The following SPATA31D3 variants were observed in gnomAD, a reference collection of about 807,000 sequenced individuals.
The protein encoded by SPATA31D3 is spermatogenesis-associated protein 31D3.
For missense variants in SPATA31D3, 91 were observed against 297.9 expected (o/e 0.31, Z 5.11); for synonymous variants, 27 against 107.8 (o/e 0.25, Z 4.65).
At position 81,948,795 on chromosome 9, in the gene SPATA31D3, C is replaced by A; in HGVS notation, c.*788C>A. 5.1e-6 allele frequency: 1 copy of A among 194,434 alleles called. No individual in the cohort carries two copies. Among genetic ancestry groups the A allele is most frequent in the Non-Finnish European group, 8.6e-6 (1 of 116,380 alleles). The allele number at this position is 194,434 out of a possible 1,614,324, so 12.0% of individuals were successfully genotyped here. A position where few individuals can be genotyped will look rare whatever the true frequency, so the allele number is the denominator to read the frequency against. ...CACAAACTAGGAACAACTTGACAAC[C>A]AGCAAGTCAGGAAGCTGCTTAGTGA... is the stretch of plus-strand genomic sequence containing the variant. On this transcript the variant is annotated 3_prime_UTR_variant, in exon 4 of 4. Coordinates refer to ENST00000445385, the MANE Select transcript of SPATA31D3 (RefSeq NM_207416.3).
Position 81,949,842 on chromosome 9 carries a change from C to A in SPATA31D3, c.*1835C>A. Reference sequence around the variant, plus strand: ...GACATTTAAGGGGAAGATATTGTGTCAAAGGCATCCCCAATCCATGCCCCA... The same window carrying A: ...GACATTTAAGGGGAAGATATTGTGTAAAAGGCATCCCCAATCCATGCCCCA... On this transcript the variant is annotated 3_prime_UTR_variant, in exon 4 of 4. Transcript: ENST00000445385. 1.0e-6 allele frequency: 1 copy of A among 995,844 alleles called. No individual in the cohort carries two copies. Among genetic ancestry groups the A allele is most frequent in the South Asian group, 1.5e-5 (1 of 68,812 alleles). 61.7% of individuals were successfully genotyped at this position (995,844 alleles called of 1,614,324 possible).
chr9:81,947,541 T>G lies in SPATA31D3; in HGVS notation c.2288T>G (p.Met763Arg), dbSNP rs2133368264. 4 of 1,518,162 alleles carry G rather than the reference T, an allele frequency of 2.6e-6. No homozygotes were observed. The highest frequency in any genetic ancestry group is 1.7e-4 in the Middle Eastern group (1 of 5,856). 94.0% of individuals were successfully genotyped at this position (1,518,162 alleles called of 1,614,324 possible). The change falls in exon 4 of 4, where the codon ATG becomes AGG. Residue 763 changes from methionine (M) to arginine (R), a missense_variant. Coordinates refer to ENST00000445385, the MANE Select transcript of SPATA31D3 (RefSeq NM_207416.3). ...GAGAGGAGCTCAAATATGCTTTCCA[T>G]GGAGAATGTGGGGAATTATCAGGGA... ...FHERSSNMLS[M>R]ENVGNYQGCS...
At position 81,945,751 on chromosome 9, in the gene SPATA31D3, G is replaced by A; in HGVS notation, c.498G>A (p.Ser166=). 2.1e-4 allele frequency: 12 copies of A among 56,504 alleles called. No homozygotes were observed. The highest frequency in any genetic ancestry group is 1.1e-3 in the East Asian group (7 of 6,608). The allele number at this position is 56,504 out of a possible 1,614,324, so 3.5% of individuals were successfully genotyped here. A position where few individuals can be genotyped will look rare whatever the true frequency, so the allele number is the denominator to read the frequency against. The change falls in exon 4 of 4, where the codon TCG becomes TCA. Residue 166 remains serine (S), a synonymous_variant. Transcript: ENST00000445385. ...CTTCAGCTTCTGGGGCTGAGTCATC[G>A]TTCACTCTGGCTTCCACCCCCTCAG... ...LASSASGAES[S]FTLASTPSAT... is the part of the protein sequence containing the mutation.
Position 81,949,710 on chromosome 9 carries a change from A to T in SPATA31D3, c.*1703A>T. 7.1e-7 allele frequency: 1 copy of T among 1,406,690 alleles called. No individual in the cohort carries two copies. The highest frequency in any genetic ancestry group is 1.0e-6 in the Non-Finnish European group (1 of 996,574). The allele number at this position is 1,406,690 out of a possible 1,614,324, so 87.1% of individuals were successfully genotyped here. On this transcript the variant is annotated 3_prime_UTR_variant, in exon 4 of 4. Transcript: ENST00000445385. Reference sequence around the variant, plus strand: ...GCAACTACATGGCTCCCTCCTGCAAAGTGACATGTACCAAATCTTGCAGCC... The same window carrying T: ...GCAACTACATGGCTCCCTCCTGCAATGTGACATGTACCAAATCTTGCAGCC...
Position 81,949,615 on chromosome 9 carries a change from G to C in SPATA31D3, c.*1608G>C, listed in dbSNP as rs1030906065. On this transcript the variant is annotated 3_prime_UTR_variant, in exon 4 of 4. Transcript: ENST00000445385. ...TCCCCAGGAGCCCCTTTCCTCCCCA[G>C]TGCAGCTTGGGAAATCTCAGAATGT... 1.3e-6 allele frequency: 1 copy of C among 743,418 alleles called. No homozygotes were observed. The highest frequency in any genetic ancestry group is 1.7e-5 in the African/African-American group (1 of 57,926). The allele number at this position is 743,418 out of a possible 1,614,324, so 46.1% of individuals were successfully genotyped here.
At position 81,949,164 on chromosome 9, in the gene SPATA31D3, T is replaced by A; in HGVS notation, c.*1157T>A. ...TCTTACAGAAATGCCAAGTTAAGAA[T>A]TTTTCACCAGCTACAAAGAGAGTGA... On this transcript the variant is annotated 3_prime_UTR_variant, in exon 4 of 4. Transcript: ENST00000445385. 1.9e-6 allele frequency: 1 copy of A among 534,054 alleles called. No homozygotes were observed. Among genetic ancestry groups the A allele is most frequent in the East Asian group, 3.2e-5 (1 of 31,680 alleles). 33.1% of individuals were successfully genotyped at this position (534,054 alleles called of 1,614,324 possible). A position where few individuals can be genotyped will look rare whatever the true frequency, so the allele number is the denominator to read the frequency against.
In SPATA31D3 at chr9:81,947,603, C is replaced by A; in HGVS notation, c.2350C>A (p.His784Asn). ...QETAPKNHLL[H>N]DPETSSEEDL... ...GACTGCCCCAAAAAACCATCTCTTG[C>A]ATGATCCGGAGACATCTTCAGAGGA... Residue 784 changes from histidine (H) to asparagine (N), a missense_variant, in exon 4 of 4, where the codon CAT becomes AAT. His to Asn is a moderately conservative substitution (Grantham distance 68, BLOSUM62 1). Coordinates refer to ENST00000445385, the MANE Select transcript of SPATA31D3 (RefSeq NM_207416.3). The A allele has an allele frequency of 6.4e-7, 1 of 1,570,856 alleles. No homozygotes were observed. The highest frequency in any genetic ancestry group is 8.7e-7 in the Non-Finnish European group (1 of 1,155,574).
Position 81,947,910 on chromosome 9 carries a change from C to G in SPATA31D3, c.2657C>G (p.Ser886Cys), listed in dbSNP as rs1403201669. The G allele has an allele frequency of 6.2e-7, 1 of 1,611,744 alleles. No homozygotes were observed. The highest frequency in any genetic ancestry group is 2.2e-5 in the East Asian group (1 of 44,500). ...LVSEDHRVDT[S>C]QEMSFLSSNK... is the part of the protein sequence containing the mutation. ...AGTGAGGACCACCGCGTTGATACCT[C>G]CCAGGAGATGTCCTTCCTTAGTTCC... Residue 886 changes from serine (S) to cysteine (C), a missense_variant, in exon 4 of 4, where the codon TCC becomes TGC. Coordinates refer to ENST00000445385, the MANE Select transcript of SPATA31D3 (RefSeq NM_207416.3).
chr9:81,947,964 T>C lies in SPATA31D3; in HGVS notation c.2711T>C (p.Ile904Thr), dbSNP rs1587485962. 2.6e-6 allele frequency: 4 copies of C among 1,555,962 alleles called. No individual in the cohort carries two copies. Among genetic ancestry groups the C allele is most frequent in the East Asian group, 2.3e-5 (1 of 42,720 alleles). The change falls in exon 4 of 4, where the codon ATT becomes ACT. Residue 904 changes from isoleucine (I) to threonine (T), a missense_variant. Ile to Thr is a moderately conservative substitution (Grantham distance 89). Coordinates refer to ENST00000445385, the MANE Select transcript of SPATA31D3 (RefSeq NM_207416.3). Reference sequence around the variant, plus strand: ...AAACAAAAGATGTTGGAAGCCCATATTAAATCTTTCCATATGAAGCCCATA... The same window carrying C: ...AAACAAAAGATGTTGGAAGCCCATACTAAATCTTTCCATATGAAGCCCATA... ...SNKQKMLEAH[I>T]KSFHMKPILN...
At position 81,949,667 on chromosome 9, in the gene SPATA31D3, C is replaced by A; in HGVS notation, c.*1660C>A. On this transcript the variant is annotated 3_prime_UTR_variant, in exon 4 of 4. Coordinates refer to ENST00000445385, the MANE Select transcript of SPATA31D3 (RefSeq NM_207416.3). ...CCAGAACTGCAGGTCAGAGCAGAGC[C>A]TGTCCAGGGCTATCCCTGCAACTAC... is the stretch of plus-strand genomic sequence containing the variant. The A allele has an allele frequency of 8.8e-7, 1 of 1,135,340 alleles. No homozygotes were observed. The highest frequency in any genetic ancestry group is 1.3e-6 in the Non-Finnish European group (1 of 752,812). The allele number at this position is 1,135,340 out of a possible 1,614,324, so 70.3% of individuals were successfully genotyped here.
At position 81,949,643 on chromosome 9, in the gene SPATA31D3, C is replaced by T. The variant is rs1212362637; in HGVS notation, c.*1636C>T. The T allele has an allele frequency of 2.2e-6, 2 of 917,672 alleles. No individual in the cohort carries two copies. Among genetic ancestry groups the T allele is most frequent in the Non-Finnish European group, 3.6e-6 (2 of 563,364 alleles). 56.8% of individuals were successfully genotyped at this position (917,672 alleles called of 1,614,324 possible). A position where few individuals can be genotyped will look rare whatever the true frequency, so the allele number is the denominator to read the frequency against. On this transcript the variant is annotated 3_prime_UTR_variant, in exon 4 of 4. Coordinates refer to ENST00000445385, the MANE Select transcript of SPATA31D3 (RefSeq NM_207416.3). ...CAGCTTGGGAAATCTCAGAATGTGC[C>T]AGAACTGCAGGTCAGAGCAGAGCCT...
Position 81,948,049 on chromosome 9 carries a change from G to A in SPATA31D3, c.*42G>A. On this transcript the variant is annotated 3_prime_UTR_variant, in exon 4 of 4. Coordinates refer to ENST00000445385, the MANE Select transcript of SPATA31D3 (RefSeq NM_207416.3). Reference sequence around the variant, plus strand: ...TCCCCGCAAGATCCGTGAACCCACAGAAATCTTCAAATCAGAAGAGGATAT... The same window carrying A: ...TCCCCGCAAGATCCGTGAACCCACAAAAATCTTCAAATCAGAAGAGGATAT... The A allele has an allele frequency of 6.3e-7, 1 of 1,599,090 alleles. No individual in the cohort carries two copies. The highest frequency in any genetic ancestry group is 8.5e-7 in the Non-Finnish European group (1 of 1,173,032).
Position 81,949,819 on chromosome 9 carries a change from C to T in SPATA31D3, c.*1812C>T, listed in dbSNP as rs566677453. The T allele has an allele frequency of 2.6e-6, 3 of 1,147,702 alleles. No individual in the cohort carries two copies. The highest frequency in any genetic ancestry group is 4.7e-5 in the East Asian group (2 of 42,202). 71.1% of individuals were successfully genotyped at this position (1,147,702 alleles called of 1,614,324 possible). A position where few individuals can be genotyped will look rare whatever the true frequency, so the allele number is the denominator to read the frequency against. On this transcript the variant is annotated 3_prime_UTR_variant, in exon 4 of 4. Transcript: ENST00000445385. ...GGACAGATAGCCCCAGGAAGTTGGA[C>T]ATTTAAGGGGAAGATATTGTGTCAA... is the stretch of plus-strand genomic sequence containing the variant.
At position 81,949,677 on chromosome 9, in the gene SPATA31D3, C is replaced by G. The variant is rs1194087036; in HGVS notation, c.*1670C>G. 1.2e-5 allele frequency: 14 copies of G among 1,215,666 alleles called. No homozygotes were observed. Among genetic ancestry groups the G allele is most frequent in the Admixed American group, 1.7e-5 (1 of 58,452 alleles). 75.3% of individuals were successfully genotyped at this position (1,215,666 alleles called of 1,614,324 possible). ...AGGTCAGAGCAGAGCCTGTCCAGGG[C>G]TATCCCTGCAACTACATGGCTCCCT... On this transcript the variant is annotated 3_prime_UTR_variant, in exon 4 of 4. Transcript: ENST00000445385.
Position 81,949,502 on chromosome 9 carries a change from G to A in SPATA31D3, c.*1495G>A. The stretch of plus-strand genomic sequence containing the variant: ...GTTAAAAGTAGAGCTGTCTTTACTG[G>A]GACTATTGAAGCTCAGAAAATTAGG... On this transcript the variant is annotated 3_prime_UTR_variant, in exon 4 of 4. Coordinates refer to ENST00000445385, the MANE Select transcript of SPATA31D3 (RefSeq NM_207416.3). The A allele has an allele frequency of 1.9e-6, 1 of 534,604 alleles. No individual in the cohort carries two copies. Among genetic ancestry groups the A allele is most frequent in the Non-Finnish European group, 3.5e-6 (1 of 285,800 alleles). 33.1% of individuals were successfully genotyped at this position (534,604 alleles called of 1,614,324 possible).
At position 81,949,650 on chromosome 9, in the gene SPATA31D3, G is replaced by A; in HGVS notation, c.*1643G>A. The A allele has an allele frequency of 1.0e-6, 1 of 960,894 alleles. No homozygotes were observed. Among genetic ancestry groups the A allele is most frequent in the South Asian group, 1.3e-5 (1 of 74,720 alleles). The allele number at this position is 960,894 out of a possible 1,614,324, so 59.5% of individuals were successfully genotyped here. ...GGAAATCTCAGAATGTGCCAGAACTGCAGGTCAGAGCAGAGCCTGTCCAGG... is the reference window on the plus strand; with the variant it reads ...GGAAATCTCAGAATGTGCCAGAACTACAGGTCAGAGCAGAGCCTGTCCAGG... On this transcript the variant is annotated 3_prime_UTR_variant, in exon 4 of 4. Transcript: ENST00000445385.
rs529311562 is a variant in SPATA31D3 at position 81,948,108 on chromosome 9, C to A, written c.*101C>A. On this transcript the variant is annotated 3_prime_UTR_variant, in exon 4 of 4. Transcript: ENST00000445385. ...CCTTTTCCCATTTCTACCTTCCCTCCTCAGCCAGCTTTATTTCTCAGGGAG... is the reference window on the plus strand; with the variant it reads ...CCTTTTCCCATTTCTACCTTCCCTCATCAGCCAGCTTTATTTCTCAGGGAG... 1.0e-4 allele frequency: 144 copies of A among 1,410,118 alleles called. No homozygotes were observed. In the African/African-American group the frequency reaches 2.1e-3, roughly 21 times the overall value. The allele number at this position is 1,410,118 out of a possible 1,614,324, so 87.4% of individuals were successfully genotyped here.
At position 81,949,655 on chromosome 9, in the gene SPATA31D3, T is replaced by A. The variant is rs1823988286; in HGVS notation, c.*1648T>A. On this transcript the variant is annotated 3_prime_UTR_variant, in exon 4 of 4. Coordinates refer to ENST00000445385, the MANE Select transcript of SPATA31D3 (RefSeq NM_207416.3). Reference sequence around the variant, plus strand: ...TCTCAGAATGTGCCAGAACTGCAGGTCAGAGCAGAGCCTGTCCAGGGCTAT... The same window carrying A: ...TCTCAGAATGTGCCAGAACTGCAGGACAGAGCAGAGCCTGTCCAGGGCTAT... The A allele has an allele frequency of 3.9e-6, 4 of 1,035,820 alleles. No homozygotes were observed. Among genetic ancestry groups the A allele is most frequent in the South Asian group, 2.6e-5 (2 of 76,816 alleles). 64.2% of individuals were successfully genotyped at this position (1,035,820 alleles called of 1,614,324 possible). A position where few individuals can be genotyped will look rare whatever the true frequency, so the allele number is the denominator to read the frequency against.
Position 81,949,887 on chromosome 9 carries a change from C to G in SPATA31D3, c.*1880C>G, listed in dbSNP as rs533861449. The G allele has an allele frequency of 1.9e-5, 14 of 734,530 alleles. No homozygotes were observed. Among genetic ancestry groups the G allele is most frequent in the African/African-American group, 7.0e-5 (4 of 57,142 alleles). 45.5% of individuals were successfully genotyped at this position (734,530 alleles called of 1,614,324 possible). A position where few individuals can be genotyped will look rare whatever the true frequency, so the allele number is the denominator to read the frequency against. ...GCCCCACAGGAAGCCTGTGCCACAG[C>G]CAAACCCCACTTGCAGTGTGAAGTC... On this transcript the variant is annotated 3_prime_UTR_variant, in exon 4 of 4. Coordinates refer to ENST00000445385, the MANE Select transcript of SPATA31D3 (RefSeq NM_207416.3).
Sources: gnomAD v4.1 joint callset for allele counts on GRCh38, gnomAD v4.1.1 for gene constraint, MANE v1.5 for transcripts, NCBI Gene and HGNC (gene_info 2026-07-23, HGNC 2026-07-21) for gene names.